Variants in SORCS1 observed in about 807,000 individuals in gnomAD.
SORCS1 encodes sortilin related VPS10 domain containing receptor 1.
In SORCS1, 60 loss-of-function variants were observed where a neutral mutation model predicts 146.1. That is an observed-to-expected ratio of 0.41 (90% CI 0.33 to 0.51). SORCS1 has a LOEUF of 0.51. Ranked by LOEUF, SORCS1 falls within the 20% of genes least tolerant of loss-of-function variation. SORCS1 has a pLI of 0.21. For missense variants in SORCS1, 1,352 were observed against 1,487.6 expected, an observed-to-expected ratio of 0.91 and a Z score of 1.50; for synonymous variants, 637 against 584.0, an observed-to-expected ratio of 1.09 and a Z score of -1.31.
chr10:106,687,379 A>G (rs747888214), intron 10 of SORCS1, among the ~76,000 whole-genome samples: 3 of 152,238 alleles, frequency 2.0e-5, no homozygotes, highest in Admixed American at 6.5e-5. Context: ...CAACTAAAAG[A>G]AAGCCATACT....
At chr10:107,018,353 T>A (rs1277539687) in intron 1 of SORCS1, among the ~76,000 whole-genome samples, 1 of 151,942 alleles carries the variant, frequency 6.6e-6, no homozygotes. Flanking sequence ...TTTTTTATTT[T>A]TTTTTTGTAT....
At chr10:107,125,361 T>C (rs1320329677) in intron 1 of SORCS1, among the ~76,000 whole-genome samples, 1 of 152,220 alleles carries the variant, frequency 6.6e-6, no homozygotes, top group Admixed American at 6.5e-5. Flanking sequence ...GATATTTGAC[T>C]ACTTCAACAT....
chr10:106,910,248 T>C (rs1043251028), intron 2 of SORCS1, among the ~76,000 whole-genome samples: 3 of 152,000 alleles, frequency 2.0e-5, no homozygotes, highest in Admixed American at 6.6e-5. Flanking sequence ...TTTGGGATAA[T>C]CTACTTAACA....
rs1379015998 is a variant in SORCS1, at chr10:106,681,387, C to G, written c.1561-1653G>C. 5.3e-5 allele frequency among the ~76,000 whole-genome samples: 8 copies of G among 152,318 alleles called. No homozygotes were observed. In the East Asian group the frequency reaches 1.5e-3, roughly 29 times the overall value. ...TTCAGGTACATACAATTATATCTCT[C>G]TAAGAATACACTCTATAAATAAAGA... On this transcript the variant is annotated intron_variant, in intron 10 of 25. Coordinates refer to ENST00000263054, the MANE Select transcript of SORCS1 (RefSeq NM_052918.5).
intron 1 of SORCS1, among the ~76,000 whole-genome samples, chr10:107,043,211 C>G (rs2134002198): frequency 6.6e-6 from 1 of 152,252 alleles, no homozygotes; most frequent in African/African-American, 2.4e-5. Flanking sequence ...TCATTAAGAT[C>G]TAGGCTGGGT....
intron 17 of SORCS1, among the ~76,000 whole-genome samples, chr10:106,654,004 T>C (rs1850084423): frequency 6.6e-6 from 1 of 152,194 alleles, no homozygotes; most frequent in African/African-American, 2.4e-5. Flanking sequence ...CATAAGCCCA[T>C]GTCCATTCTC....
rs187480401 is a variant in SORCS1, at chr10:107,147,486, G to A, written c.558+16483C>T. On this transcript the variant is annotated intron_variant, in intron 1 of 25. Coordinates refer to ENST00000263054, the MANE Select transcript of SORCS1 (RefSeq NM_052918.5). ...TGCATCTGATTTGATCTGAATCTAC[G>A]CTTCTTTCTCTCTCTCTCTGTCTCT... Among the ~76,000 whole-genome samples the A allele has an allele frequency of 5.9e-3, 903 of 152,106 alleles. 3 individuals are homozygous for A. The highest frequency in any genetic ancestry group is 7.3e-3 in the Non-Finnish European group (498 of 67,988).
intron 5 of SORCS1, among the ~76,000 whole-genome samples, chr10:106,743,359 A>G (rs1173520777): frequency 6.6e-6 from 1 of 152,170 alleles, no homozygotes; most frequent in Non-Finnish European, 1.5e-5. Context: ...GGCTGCCACC[A>G]GTCCCACCAC....
At chr10:107,041,667 A>G (rs905716578) in intron 1 of SORCS1, among the ~76,000 whole-genome samples, 1 of 152,100 alleles carries the variant, frequency 6.6e-6, no homozygotes, top group African/African-American at 2.4e-5. Context: ...AGAATTTTAT[A>G]TAGAGGCCCA....
intron 2 of SORCS1, among the ~76,000 whole-genome samples, chr10:106,849,649 G>T (rs1344248001): frequency 6.6e-6 from 1 of 151,188 alleles, no homozygotes; most frequent in Non-Finnish European, 1.5e-5. Context: ...TCCTTTGGAG[G>T]AGGATAGGCG....
intron 6 of SORCS1, among the ~76,000 whole-genome samples, chr10:106,729,409 C>T (rs1434283285): frequency 6.6e-6 from 1 of 151,698 alleles, no homozygotes; most frequent in Non-Finnish European, 1.5e-5. Context: ...CCTGCTGCCT[C>T]TCATGGGGAC....
chr10:106,611,897 C>G lies in SORCS1; in HGVS notation c.3033+14G>C. 6.3e-7 allele frequency: 1 copy of G among 1,584,506 alleles called. No individual in the cohort carries two copies. The highest frequency in any genetic ancestry group is 8.7e-7 in the Non-Finnish European group (1 of 1,153,204). On this transcript the variant is annotated intron_variant, in intron 22 of 25. Coordinates refer to ENST00000263054, the MANE Select transcript of SORCS1 (RefSeq NM_052918.5). ...AAAGGTACCCGGGCAAGAGAAGAAA[C>G]TGTGTGCACTCACTTCCACCAGGGA...
intron 1 of SORCS1, among the ~76,000 whole-genome samples, chr10:107,115,274 C>A (rs1205844685): frequency 6.6e-6 from 1 of 151,048 alleles, no homozygotes; most frequent in African/African-American, 2.4e-5. Context: ...TCATATGGAA[C>A]TACAAAAGAC....
chr10:106,778,436 T>C (rs1860630684), intron 3 of SORCS1, among the ~76,000 whole-genome samples: 1 of 151,962 alleles, frequency 6.6e-6, no homozygotes, highest in African/African-American at 2.4e-5. Flanking sequence ...GCAGACGGCG[T>C]TCCCTCATCA....
intron 1 of SORCS1, among the ~76,000 whole-genome samples, chr10:106,971,913 T>C (rs1955803907): frequency 6.6e-6 from 1 of 152,174 alleles, no homozygotes; most frequent in Non-Finnish European, 1.5e-5. Flanking sequence ...TTCTGTGTAA[T>C]AGGAGCAAGG....
chr10:107,011,791 C>T (rs1353577431), intron 1 of SORCS1, among the ~76,000 whole-genome samples: 1 of 152,182 alleles, frequency 6.6e-6, no homozygotes, highest in East Asian at 1.9e-4. Flanking sequence ...TATCCCCAGG[C>T]TGTTTTACTG....
intron 3 of SORCS1, among the ~76,000 whole-genome samples, chr10:106,816,170 G>A (rs1947733268): frequency 1.3e-5 from 2 of 152,138 alleles, no homozygotes; most frequent in African/African-American, 4.8e-5. Context: ...AGTGAAAAAA[G>A]TTACAAAGGG....
chr10:106,882,438 T>C (rs1950842226), intron 2 of SORCS1, among the ~76,000 whole-genome samples: 2 of 152,236 alleles, frequency 1.3e-5, no homozygotes, highest in African/African-American at 4.8e-5. Context: ...CTACATATTC[T>C]TGGCTTTGTG....
At chr10:106,961,389 T>C (rs1955214975) in intron 1 of SORCS1, among the ~76,000 whole-genome samples, 1 of 152,204 alleles carries the variant, frequency 6.6e-6, no homozygotes, top group African/African-American at 2.4e-5. Context: ...GGTAATCTGG[T>C]TCTACATACA....
Sources: allele counts gnomAD v4.1 joint callset (sites outside exome capture counted in the v4.1 genomes callset), GRCh38; gene constraint gnomAD v4.1.1; transcripts MANE v1.5; gene names NCBI Gene and HGNC (gene_info 2026-07-23, HGNC 2026-07-21).